Variants in CLSTN2 observed in about 807,000 individuals in gnomAD.
CLSTN2 encodes calsyntenin-2.
Under a neutral mutation model 101.2 loss-of-function variants are expected in CLSTN2, and 48 were observed. The ratio of observed to expected loss-of-function variants is 0.47; its 90% confidence interval spans 0.38 to 0.60. CLSTN2 has a LOEUF of 0.60. CLSTN2 is among the 20% of genes least tolerant of loss of function. The pLI, the probability that CLSTN2 is intolerant of heterozygous loss-of-function variation, is 0.00. For synonymous variants in CLSTN2, 481 were observed against 463.6 expected (o/e 1.04, Z -0.48); for missense variants, 1,160 against 1,238.2 (o/e 0.94, Z 0.95).
At chr3:140,396,305 G>A (rs1384665401) in intron 2 of CLSTN2, among the ~76,000 whole-genome samples, 2 of 152,166 alleles carry the variant, frequency 1.3e-5, no homozygotes, top group African/African-American at 4.8e-5. Context: ...AACTGTGGCT[G>A]ATAGGTGCAA....
rs754503344 is a variant in CLSTN2 at position 140,573,149 on chromosome 3, G to A, written c.*6896G>A. 1.3e-5 allele frequency: 2 copies of A among 152,230 alleles called. No individual in the cohort carries two copies. The highest frequency in any genetic ancestry group is 2.9e-5 in the Non-Finnish European group (2 of 68,042). The allele number at this position is 152,230 out of a possible 1,614,324, so 9.4% of individuals were successfully genotyped here. On this transcript the variant is annotated 3_prime_UTR_variant, in exon 17 of 17. Coordinates refer to ENST00000458420, the MANE Select transcript of CLSTN2 (RefSeq NM_022131.3). ...CACTGAAACTGCAGCAGTGACCCTG[G>A]TCACTAGGAGAGCTGCTTTCTACAC...
chr3:140,235,302 C>T (rs1265001633), intron 2 of CLSTN2, among the ~76,000 whole-genome samples: 1 of 152,042 alleles, frequency 6.6e-6, no homozygotes, highest in Non-Finnish European at 1.5e-5. Context: ...AGATGGGGGC[C>T]CTAACAGTTC....
chr3:139,952,496 C>T (rs761155187), intron 1 of CLSTN2, among the ~76,000 whole-genome samples: 3 of 151,908 alleles, frequency 2.0e-5, no homozygotes, highest in Non-Finnish European at 4.4e-5. Context: ...TTTTTTAGAA[C>T]GTGGAATCTT....
intron 1 of CLSTN2, among the ~76,000 whole-genome samples, chr3:140,166,837 A>G (rs1333344357): frequency 6.6e-6 from 1 of 152,222 alleles, no homozygotes; most frequent in Non-Finnish European, 1.5e-5. Flanking sequence ...CTAAAGGGGC[A>G]TGATATGACA....
chr3:140,246,934 T>A (rs2086523161), intron 2 of CLSTN2, among the ~76,000 whole-genome samples: 1 of 152,132 alleles, frequency 6.6e-6, no homozygotes, highest in African/African-American at 2.4e-5. Context: ...GAAATAATAA[T>A]GCTCTTATTA....
At chr3:140,524,935 C>G (rs528612004) in intron 8 of CLSTN2, among the ~76,000 whole-genome samples, 4 of 152,146 alleles carry the variant, frequency 2.6e-5, no homozygotes, top group Non-Finnish European at 4.4e-5. Context: ...TCTTTGGATG[C>G]AGCTAAAGTT....
Position 140,407,349 on chromosome 3 carries a change from G to A in CLSTN2, c.637+2583G>A, listed in dbSNP as rs76319659. Among the ~76,000 whole-genome samples the A allele has an allele frequency of 1.5e-3, 227 of 152,228 alleles. 1 individual carries two copies. The highest frequency in any genetic ancestry group is 2.7e-3 in the Non-Finnish European group (183 of 68,020). ...CCAACTTTCCAGGCTCTGCTTGTGG[G>A]GTAAAGAATGGCAGCAGGGAGAATA... On this transcript the variant is annotated intron_variant, in intron 4 of 16. Coordinates refer to ENST00000458420, the MANE Select transcript of CLSTN2 (RefSeq NM_022131.3).
chr3:140,361,925 C>T (rs780029370), intron 2 of CLSTN2, among the ~76,000 whole-genome samples: 4 of 152,096 alleles, frequency 2.6e-5, no homozygotes, highest in East Asian at 1.9e-4. Flanking sequence ...GCAGATTAAA[C>T]GTAATTCCTA....
chr3:140,126,652 C>T (rs1020123117), intron 1 of CLSTN2, among the ~76,000 whole-genome samples: 3 of 152,110 alleles, frequency 2.0e-5, no homozygotes, highest in African/African-American at 7.2e-5. Flanking sequence ...GTAGTATGGT[C>T]TCTATCACTT....
intron 2 of CLSTN2, among the ~76,000 whole-genome samples, chr3:140,393,862 T>C (rs1470157432): frequency 6.6e-6 from 1 of 152,208 alleles, no homozygotes; most frequent in African/African-American, 2.4e-5. Flanking sequence ...AATGCTCTCT[T>C]GGCAAATATT....
At chr3:140,436,633 T>C (rs347339) in intron 5 of CLSTN2, among the ~76,000 whole-genome samples, 100,773 of 152,140 alleles carry the variant, frequency 0.66, 35,273 homozygotes, top group East Asian at 0.92. Flanking sequence ...TGAAGAGGGC[T>C]AGTCCTGGCC....
intron 1 of CLSTN2, among the ~76,000 whole-genome samples, chr3:140,042,564 TG>T (rs2007782533): frequency 6.6e-6 from 1 of 152,202 alleles, no homozygotes; most frequent in Non-Finnish European, 1.5e-5. Flanking sequence ...AGGGTACATG[TG>T]CACAATGTGC....
intron 1 of CLSTN2, among the ~76,000 whole-genome samples, chr3:140,124,854 T>C (rs2009404206): frequency 6.6e-6 from 1 of 152,048 alleles, no homozygotes; most frequent in Non-Finnish European, 1.5e-5. Context: ...TGAGTGCAGA[T>C]AGTGAATGGG....
chr3:140,260,055 A>C (rs2107882088), intron 2 of CLSTN2, among the ~76,000 whole-genome samples: 1 of 151,798 alleles, frequency 6.6e-6, no homozygotes, highest in South Asian at 2.1e-4. Context: ...GTTGTACACC[A>C]AATCCCAGTG....
intron 6 of CLSTN2, chr3:140,450,058 T>C (rs1242376987): frequency 6.6e-6 from 1 of 152,230 alleles, no homozygotes; most frequent in East Asian, 1.9e-4. Flanking sequence ...AAGGTGGATA[T>C]GGAGGAAAGC....
intron 1 of CLSTN2, among the ~76,000 whole-genome samples, chr3:140,065,180 A>G (rs1381739641): frequency 6.6e-6 from 1 of 152,256 alleles, no homozygotes; most frequent in African/African-American, 2.4e-5. Flanking sequence ...CCAGATAATG[A>G]GCAGGTGGTC....
chr3:139,957,834 G>T (rs1344050316), intron 1 of CLSTN2, among the ~76,000 whole-genome samples: 1 of 152,164 alleles, frequency 6.6e-6, no homozygotes, highest in African/African-American at 2.4e-5. Context: ...GGCAGAATAG[G>T]AATCCCATGA....
At chr3:140,554,052 A>G (rs1935755802) in intron 10 of CLSTN2, among the ~76,000 whole-genome samples, 1 of 152,198 alleles carries the variant, frequency 6.6e-6, no homozygotes. Context: ...GATAAGAGGC[A>G]GAGTCCCTGT....
intron 2 of CLSTN2, among the ~76,000 whole-genome samples, chr3:140,191,156 T>G (rs2010561190): frequency 6.6e-6 from 1 of 152,096 alleles, no homozygotes; most frequent in Admixed American, 6.6e-5. Flanking sequence ...AAATACTTAT[T>G]TCCTGCATTC....
Sources: allele counts gnomAD v4.1 joint callset (sites outside exome capture counted in the v4.1 genomes callset), GRCh38; gene constraint gnomAD v4.1.1; transcripts MANE v1.5; gene names NCBI Gene and HGNC (gene_info 2026-07-23, HGNC 2026-07-21).